The following CREB5 variants were observed in gnomAD, a reference collection of about 807,000 sequenced individuals.
CREB5 encodes the protein cyclic AMP-responsive element-binding protein 5.
In CREB5, 19 loss-of-function variants were observed where a neutral mutation model predicts 57.1. The observed-to-expected ratio is 0.33, with a 90% confidence interval of 0.23 to 0.49. The LOEUF is 0.49. CREB5 is among the 20% of genes least tolerant of loss of function. The probability of loss-of-function intolerance (pLI) is 0.99; values close to 1 mark genes in which losing one functional copy is unlikely to be tolerated. For synonymous variants in CREB5, 238 were observed against 238.3 expected (o/e 1.00, Z 0.01); for missense variants, 579 against 671.6 (o/e 0.86, Z 1.52).
At chr7:28,716,967 C>T (rs1000888101) in intron 5 of CREB5, among the ~76,000 whole-genome samples, 5 of 152,080 alleles carry the variant, frequency 3.3e-5, no homozygotes, top group African/African-American at 9.7e-5. Context: ...AAGCACTCAT[C>T]GTTGTTACAA....
At chr7:28,386,820 G>C (rs1297091157) in intron 1 of CREB5, among the ~76,000 whole-genome samples, 1 of 151,998 alleles carries the variant, frequency 6.6e-6, no homozygotes, top group African/African-American at 2.4e-5. Flanking sequence ...TTAATTTTTA[G>C]TTTTTAAAAT....
chr7:28,772,928 C>T (rs1229618692), intron 7 of CREB5, among the ~76,000 whole-genome samples: 1 of 152,122 alleles, frequency 6.6e-6, no homozygotes, highest in Non-Finnish European at 1.5e-5. Flanking sequence ...TCATAGGCAG[C>T]TCTCGTAACC....
intron 5 of CREB5, among the ~76,000 whole-genome samples, chr7:28,657,685 C>A (rs955279644): frequency 9.2e-5 from 13 of 141,636 alleles, no homozygotes; most frequent in African/African-American, 2.9e-4. Flanking sequence ...CCACTGCACT[C>A]CAGCCTGGGT....
intron 1 of CREB5, among the ~76,000 whole-genome samples, chr7:28,331,848 C>CA (rs145837781): frequency 0.021 from 1,608 of 75,170 alleles, 26 homozygotes; most frequent in East Asian, 0.037. Flanking sequence ...AACTCCATCT[C>CA]AAAAAAAAAA....
chr7:28,601,169 A>ATTT (rs577879373), intron 5 of CREB5, among the ~76,000 whole-genome samples: 1 of 144,878 alleles, frequency 6.9e-6, no homozygotes, highest in Non-Finnish European at 1.5e-5. Context: ...TATTATTATT[A>ATTT]TTTTTTTTTT....
chr7:28,659,326 C>T (rs1799497488), intron 5 of CREB5, among the ~76,000 whole-genome samples: 1 of 152,010 alleles, frequency 6.6e-6, no homozygotes, highest in Non-Finnish European at 1.5e-5. Context: ...ATATTTTATG[C>T]AAGAGAAGGG....
intron 4 of CREB5, among the ~76,000 whole-genome samples, chr7:28,522,315 C>T (rs1793238784): frequency 6.6e-6 from 1 of 151,104 alleles, no homozygotes; most frequent in Admixed American, 6.6e-5. Flanking sequence ...GAAGCTTTTG[C>T]AGAACATCAA....
rs10585117 is a variant in CREB5 at position 28,373,904 on chromosome 7, C to CATATATATATATATAT, written c.-25+74468_-25+74483dup. On this transcript the variant is annotated intron_variant, in intron 1 of 9. Coordinates refer to the CREB5 transcript ENST00000396299. ...TCTATCCAACACTTGTTTCTGCATCCATATATATATATATATATATGTATA... is the reference window on the plus strand; with the variant it reads ...TCTATCCAACACTTGTTTCTGCATCCATATATATATATATATATATATATATATATATATATGTATA... Among the ~76,000 whole-genome samples the CATATATATATATATAT allele has an allele frequency of 2.2e-4, 32 of 146,258 alleles. 1 individual carries two copies. Among genetic ancestry groups the CATATATATATATATAT allele is most frequent in the Non-Finnish European group, 4.1e-4 (27 of 66,462 alleles).
At position 28,713,283 on chromosome 7, in the gene CREB5, A is replaced by G. The variant is rs974877474; in HGVS notation, c.465-5470A>G. On this transcript the variant is annotated intron_variant, in intron 5 of 10. Coordinates refer to ENST00000357727, the MANE Select transcript of CREB5 (RefSeq NM_182898.4). ...TTCGAACTCCTGAGCTCAAGCTCAA[A>G]ATGCTAGGATTACAGGCGTGAGCCA... Among the ~76,000 whole-genome samples, 3 of 152,152 alleles carry G rather than the reference A, an allele frequency of 2.0e-5. No homozygotes were observed. The East Asian group carries it at 5.8e-4, about 29-fold the overall frequency.
At chr7:28,347,375 G>A (rs193110227) in intron 1 of CREB5, among the ~76,000 whole-genome samples, 5 of 152,216 alleles carry the variant, frequency 3.3e-5, no homozygotes, top group African/African-American at 7.2e-5. Context: ...GATTTAATAC[G>A]ACTTAGAAGG....
intron 1 of CREB5, among the ~76,000 whole-genome samples, chr7:28,420,050 A>G (rs1788180267): frequency 6.6e-6 from 1 of 152,210 alleles, no homozygotes; most frequent in Non-Finnish European, 1.5e-5. Context: ...AAACCAAAAC[A>G]AAACAGTAAT....
chr7:28,734,516 T>C (rs1253327843), intron 7 of CREB5, among the ~76,000 whole-genome samples: 1 of 152,148 alleles, frequency 6.6e-6, no homozygotes, highest in African/African-American at 2.4e-5. Flanking sequence ...GGGTTTCACT[T>C]AAAAATTTAA....
At chr7:28,707,050 G>A (rs969441178) in intron 5 of CREB5, among the ~76,000 whole-genome samples, 2 of 152,086 alleles carry the variant, frequency 1.3e-5, no homozygotes, top group African/African-American at 2.4e-5. Context: ...CCTGCTGTAA[G>A]GGGTCTGGCA....
upstream of CREB5, chr7:28,410,871 A>C: frequency 7.2e-6 from 2 of 278,850 alleles, no homozygotes; most frequent in Non-Finnish European, 7.1e-6. Flanking sequence ...CCCACAACAC[A>C]CTCGTGCAAT....
At chr7:28,337,412 C>T (rs1473969047) in intron 1 of CREB5, among the ~76,000 whole-genome samples, 1 of 152,038 alleles carries the variant, frequency 6.6e-6, no homozygotes, top group African/African-American at 2.4e-5. Flanking sequence ...ATTGTTATAT[C>T]CTATTGCTGA....
intron 5 of CREB5, among the ~76,000 whole-genome samples, chr7:28,635,762 C>T (rs576667594): frequency 6.6e-6 from 1 of 152,270 alleles, no homozygotes; most frequent in East Asian, 1.9e-4. Flanking sequence ...CATTCATTTA[C>T]TCATTCATTC....
intron 4 of CREB5, among the ~76,000 whole-genome samples, chr7:28,538,007 G>T (rs1171688368): frequency 6.6e-6 from 1 of 152,028 alleles, no homozygotes; most frequent in Non-Finnish European, 1.5e-5. Context: ...TTGCCTCCAT[G>T]GTTTCTTAAC....
At chr7:28,723,204 G>A (rs1052312509) in intron 6 of CREB5, among the ~76,000 whole-genome samples, 7 of 152,250 alleles carry the variant, frequency 4.6e-5, no homozygotes, top group Admixed American at 3.9e-4. Flanking sequence ...GTCCCCCTGA[G>A]GAAAGTCTAA....
chr7:28,407,152 C>T (rs1219537952), intron 1 of CREB5, among the ~76,000 whole-genome samples: 1 of 152,000 alleles, frequency 6.6e-6, no homozygotes, highest in African/African-American at 2.4e-5. Flanking sequence ...CAGATTCAAG[C>T]GATTCTCCTG....
Sources: allele counts gnomAD v4.1 joint callset (sites outside exome capture counted in the v4.1 genomes callset), GRCh38; gene constraint gnomAD v4.1.1; transcripts MANE v1.5; gene names NCBI Gene and HGNC (gene_info 2026-07-23, HGNC 2026-07-21).